The following RPS3 variants were observed in gnomAD, a reference collection of about 807,000 sequenced individuals.
RPS3 encodes the protein small ribosomal subunit protein uS3.
A neutral mutation model predicts 25.8 loss-of-function variants in RPS3; 2 were observed. The ratio of observed to expected loss-of-function variants is 0.08; its 90% CI spans 0.03 to 0.24. The LOEUF (loss-of-function observed/expected upper bound fraction) is 0.24, where lower values mean the gene tolerates loss of function less well. RPS3 is among the 10% of genes least tolerant of loss of function. The pLI is 1.00. For synonymous variants in RPS3, 114 were observed against 114.2 expected (o/e 1.00, Z 0.01); for missense variants, 107 against 307.1 (o/e 0.35, Z 4.87).
downstream of RPS3, among the ~76,000 whole-genome samples, chr11:75,411,453 A>G (rs1463272166): frequency 6.6e-6 from 1 of 151,424 alleles, no homozygotes; most frequent in East Asian, 2.0e-4. Flanking sequence ...GCAGTGGCGC[A>G]ATCTCGGCTC....
At chr11:75,413,158 C>G (rs1389037471) in intron 6 of RPS3, among the ~76,000 whole-genome samples, 2 of 152,156 alleles carry the variant, frequency 1.3e-5, no homozygotes, top group Admixed American at 6.5e-5. Context: ...ATGGTAAAAT[C>G]AGCCCCTCTC....
At chr11:75,415,884 G>A (rs907185299) in intron 6 of RPS3, among the ~76,000 whole-genome samples, 1 of 148,724 alleles carries the variant, frequency 6.7e-6, no homozygotes, top group African/African-American at 2.5e-5. Flanking sequence ...GCTGAGGCAT[G>A]AGAATTGCTT....
chr11:75,411,395 T>C (rs1045159285), downstream of RPS3, among the ~76,000 whole-genome samples: 5 of 152,108 alleles, frequency 3.3e-5, no homozygotes, highest in African/African-American at 9.6e-5. Flanking sequence ...TTTTATTTTA[T>C]TTATTTATTT....
At chr11:75,411,648 C>T (rs576975979), downstream of RPS3, among the ~76,000 whole-genome samples, 277 of 152,314 alleles carry the variant, frequency 1.8e-3, no homozygotes, top group Admixed American at 4.2e-3. Flanking sequence ...CCTCGGCCTC[C>T]CAAAGTGCTG....
intron 3 of RPS3, 97 bp downstream of exon 3, chr11:75,401,830 A>G (rs1948214175): frequency 4.0e-6 from 3 of 752,348 alleles, no homozygotes; most frequent in South Asian, 3.0e-5. Context: ...TTCATTACAA[A>G]TGGACTGGTA....
intron 1 of RPS3, 118 bp downstream of exon 1, chr11:75,399,695 C>T (rs1175962815): frequency 5.8e-6 from 5 of 867,774 alleles, no homozygotes; most frequent in Non-Finnish European, 7.3e-6. Context: ...CCTAGGCTTC[C>T]TGGCGTTCCT....
exon 7 of RPS3, chr11:75,422,010 G>C (rs1435719131): frequency 6.6e-6 from 1 of 152,238 alleles, no homozygotes; most frequent in Non-Finnish European, 1.5e-5. Flanking sequence ...AAGTAAATGA[G>C]GTAATGTATG....
rs1948288880 is a variant in RPS3, at chr11:75,406,431, CT to C, written c.*822del. Reference sequence around the variant, plus strand: ...TCCAGGGAAAGCTGTTATCAGGTGGCTGCTTCCTGGTGATGCAGCCTGGCTG... The same window carrying C: ...TCCAGGGAAAGCTGTTATCAGGTGGCGCTTCCTGGTGATGCAGCCTGGCTG... On this transcript the variant is annotated 3_prime_UTR_variant, in exon 7 of 7. Coordinates refer to ENST00000531188, the MANE Select transcript of RPS3 (RefSeq NM_001005.5). 2 of 152,292 alleles carry C rather than the reference CT, an allele frequency of 1.3e-5. No homozygotes were observed. The highest frequency in any genetic ancestry group is 4.8e-5 in the African/African-American group (2 of 41,552). The allele number at this position is 152,292 out of a possible 1,614,324, so 9.4% of individuals were successfully genotyped here.
chr11:75,418,158 G>T (rs1948414418), intron 6 of RPS3, among the ~76,000 whole-genome samples: 1 of 152,258 alleles, frequency 6.6e-6, no homozygotes, highest in Non-Finnish European at 1.5e-5. Flanking sequence ...TCATTCCAGG[G>T]ATGGGCAGGC....
downstream of RPS3, among the ~76,000 whole-genome samples, chr11:75,410,136 C>T (rs1184638740): frequency 1.3e-5 from 2 of 148,984 alleles, no homozygotes; most frequent in Non-Finnish European, 3.0e-5. Context: ...ACACCTCCCT[C>T]CCGGACGGGG....
At chr11:75,419,344 AG>A (rs1173702045) in intron 6 of RPS3, among the ~76,000 whole-genome samples, 3 of 152,168 alleles carry the variant, frequency 2.0e-5, no homozygotes, top group Non-Finnish European at 2.9e-5. Context: ...ACCTGAGGTC[AG>A]GAGTTTGAGA....
At chr11:75,420,379 G>A (rs987656392) in intron 6 of RPS3, among the ~76,000 whole-genome samples, 4 of 152,294 alleles carry the variant, frequency 2.6e-5, no homozygotes, top group African/African-American at 9.6e-5. Context: ...ATCAGACAGG[G>A]ATTCCCCATG....
chr11:75,420,878 A>G (rs1406026026), intron 6 of RPS3, among the ~76,000 whole-genome samples: 1 of 151,918 alleles, frequency 6.6e-6, no homozygotes, highest in Non-Finnish European at 1.5e-5. Flanking sequence ...TGGGCAGACA[A>G]AGGAGAGGGC....
At chr11:75,400,026 G>A (rs1019000454) in intron 1 of RPS3, among the ~76,000 whole-genome samples, 2 of 152,184 alleles carry the variant, frequency 1.3e-5, no homozygotes, top group African/African-American at 2.4e-5. Flanking sequence ...TGCTCCGTCT[G>A]GGGACCCCGG....
chr11:75,405,456 T>C, intron 6 of RPS3, 158 bp from the exon 7 acceptor site: 1 of 291,268 alleles, frequency 3.4e-6, no homozygotes, highest in South Asian at 2.5e-5. Context: ...TCCAGGTGCC[T>C]TGTATTTTTT....
chr11:75,415,555 C>G (rs1051324513), intron 6 of RPS3, among the ~76,000 whole-genome samples: 1 of 152,078 alleles, frequency 6.6e-6, no homozygotes, highest in African/African-American at 2.4e-5. Context: ...TGCCTATAAT[C>G]CCAGCATGTT....
chr11:75,410,805 A>G (rs1486992126), downstream of RPS3, among the ~76,000 whole-genome samples: 7 of 152,182 alleles, frequency 4.6e-5, no homozygotes, highest in Admixed American at 1.3e-4. Context: ...CCAACACAGC[A>G]AAACCCCGTC....
In RPS3 at chr11:75,405,403, T is replaced by C. The variant is rs145075910; in HGVS notation, c.*4-211T>C. 1.1e-4 allele frequency: 34 copies of C among 319,508 alleles called. 1 individual carries two copies. The East Asian group carries it at 2.9e-3, about 27-fold the overall frequency. The allele number at this position is 319,508 out of a possible 1,614,324, so 19.8% of individuals were successfully genotyped here. ...CCCTGTAAAACACTAACAAGCCTCC[T>C]GTGGTCAACACTTGGGGTTTTTTTG... is the stretch of plus-strand genomic sequence containing the variant. On this transcript the variant is annotated intron_variant, in intron 6 of 6. Coordinates refer to ENST00000531188, the MANE Select transcript of RPS3 (RefSeq NM_001005.5).
At chr11:75,403,120 A>C (rs1256983162) in intron 4 of RPS3, 1 of 152,220 alleles carries the variant, frequency 6.6e-6, no homozygotes, top group Non-Finnish European at 1.5e-5. Context: ...TGCTGTAGGA[A>C]GGTTGACTGG....
Sources: allele counts gnomAD v4.1 joint callset (sites outside exome capture counted in the v4.1 genomes callset), GRCh38; gene constraint gnomAD v4.1.1; transcripts MANE v1.5; gene names NCBI Gene and HGNC (gene_info 2026-07-23, HGNC 2026-07-21).